The following ZNF28 variants were observed in gnomAD, a reference collection of about 807,000 sequenced individuals.
ZNF28 encodes zinc finger protein KOX24.
In ZNF28, 5 loss-of-function variants were observed where a neutral mutation model predicts 7.2. The observed-to-expected ratio is 0.70, with a 90% confidence interval of 0.36 to 1.46. The LOEUF is 1.46. Among genes scored for constraint, ZNF28 ranks in the 40% most tolerant of loss-of-function variants. The pLI, the probability that ZNF28 is intolerant of heterozygous loss-of-function variation, is 0.03. For missense variants in ZNF28, 879 were observed against 866.6 expected (o/e 1.01, Z -0.18); for synonymous variants, 288 against 292.4 (o/e 0.99, Z 0.15).
intron 2 of ZNF28, among the ~76,000 whole-genome samples, chr19:52,812,578 A>G (rs1032412089): frequency 7.8e-6 from 1 of 127,438 alleles, no homozygotes; most frequent in Admixed American, 7.9e-5. Context: ...CATGCTCCTT[A>G]AGAGTCATCA....
chr19:52,799,360 T>G lies in ZNF28; in HGVS notation c.*328A>C. The G allele has an allele frequency of 1.8e-6, 1 of 558,440 alleles. No homozygotes were observed. The allele number at this position is 558,440 out of a possible 1,614,324, so 34.6% of individuals were successfully genotyped here. A position where few individuals can be genotyped will look rare whatever the true frequency, so the allele number is the denominator to read the frequency against. ...TCATAAACCTTACATCTGTGTGGTT[T>G]CTCTTCAGCATGCATTTTCTTATGT... On this transcript the variant is annotated 3_prime_UTR_variant, in exon 4 of 4. Coordinates refer to ENST00000457749, the MANE Select transcript of ZNF28 (RefSeq NM_006969.5).
At chr19:52,805,190 A>C (rs2062920868) in intron 3 of ZNF28, 2 of 152,032 alleles carry the variant, frequency 1.3e-5, no homozygotes, top group African/African-American at 4.8e-5. Flanking sequence ...GAATTGCTTG[A>C]ACCTGGGAAG....
intron 1 of ZNF28, among the ~76,000 whole-genome samples, chr19:52,821,332 T>C (rs1025769499): frequency 2.0e-5 from 3 of 151,996 alleles, no homozygotes; most frequent in Non-Finnish European, 2.9e-5. Context: ...AAAAAAGGTT[T>C]TGAGCAGGAA....
rs2062845685 is a variant in ZNF28 at position 52,800,227 on chromosome 19, A to G, written c.1618T>C (p.Cys540Arg). Residue 540 changes from cysteine to arginine, a missense_variant, in exon 4 of 4, where the codon TGT (cysteine) becomes CGT (arginine). Coordinates refer to ENST00000457749, the MANE Select transcript of ZNF28 (RefSeq NM_006969.5). ...TCTGCAGTATGAAGTTTATGATGAC[A>G]TGCAAGGTTTGCTTTTGTACTAAAA... is the stretch of plus-strand genomic sequence containing the variant. ...KVFSTKANLA[C>R]HHKLHTAEKP... 1 of 1,611,456 alleles carries G rather than the reference A, an allele frequency of 6.2e-7. No individual in the cohort carries two copies. The highest frequency in any genetic ancestry group is 8.5e-7 in the Non-Finnish European group (1 of 1,179,452).
At chr19:52,804,342 C>T (rs551759859) in intron 3 of ZNF28, among the ~76,000 whole-genome samples, 1 of 152,254 alleles carries the variant, frequency 6.6e-6, no homozygotes, top group East Asian at 1.9e-4. Flanking sequence ...ATCACCCAGG[C>T]TGGAGTGTAG....
rs796765932 is a variant in ZNF28 at position 52,813,536 on chromosome 19, G to A, written c.15+4408C>T. ...GCTCTGGAAGGACACCAGACTGTTC[G>A]GCTTGTCACCTTCCCTCCGTCTTCT... On this transcript the variant is annotated intron_variant, in intron 2 of 3. Transcript: ENST00000457749. 2.2e-4 allele frequency among the ~76,000 whole-genome samples: 32 copies of A among 142,224 alleles called. 5 individuals are homozygous for A. The highest frequency in any genetic ancestry group is 8.2e-4 in the African/African-American group (29 of 35,564). 93.3% of individuals were successfully genotyped at this position (142,224 alleles called of 152,430 possible).
chr19:52,819,964 G>C (rs2063173948), intron 1 of ZNF28, among the ~76,000 whole-genome samples: 1 of 145,144 alleles, frequency 6.9e-6, no homozygotes, highest in Non-Finnish European at 1.5e-5. Flanking sequence ...GTTCACACCT[G>C]TAATTCCAGC....
At chr19:52,807,181 A>G (rs12460103) in intron 3 of ZNF28, among the ~76,000 whole-genome samples, 13,393 of 152,230 alleles carry the variant, frequency 0.088, 1,050 homozygotes, top group South Asian at 0.2. Flanking sequence ...CCTTGCTCCA[A>G]CATGGAGACA....
At chr19:52,812,762 TAAAAAAAAAA>T (rs56944474) in intron 2 of ZNF28, among the ~76,000 whole-genome samples, 1,248 of 75,444 alleles carry the variant, frequency 0.017, 34 homozygotes, top group African/African-American at 0.051. Flanking sequence ...GAATGATCAA[TAAAAAAAAAA>T]AAAAAAAAAA....
intron 1 of ZNF28, among the ~76,000 whole-genome samples, chr19:52,818,555 A>C (rs7247680): frequency 1.3e-5 from 2 of 152,146 alleles, no homozygotes; most frequent in East Asian, 3.9e-4. Context: ...TCTACTAAAA[A>C]TACAAAAAGT....
Position 52,800,390 on chromosome 19 carries a change from A to G in ZNF28, c.1455T>C (p.His485=), listed in dbSNP as rs937463015. ...GTTTCTCTCCAGTATGAATCCTCCTATGTCTTTCAAGGTGTGATTTGCACC... is the reference window on the plus strand; with the variant it reads ...GTTTCTCTCCAGTATGAATCCTCCTGTGTCTTTCAAGGTGTGATTTGCACC... ...VFRCKSHLER[H]RRIHTGEKPY... Residue 485 remains histidine (H), a synonymous_variant, in exon 4 of 4, where the codon CAT becomes CAC. Coordinates refer to ENST00000457749, the MANE Select transcript of ZNF28 (RefSeq NM_006969.5). 2.2e-5 allele frequency: 36 copies of G among 1,613,714 alleles called. No homozygotes were observed. Among genetic ancestry groups the G allele is most frequent in the Admixed American group, 3.3e-5 (2 of 59,968 alleles).
chr19:52,820,682 A>T (rs1295351711), intron 1 of ZNF28, among the ~76,000 whole-genome samples: 1 of 152,016 alleles, frequency 6.6e-6, no homozygotes, highest in Non-Finnish European at 1.5e-5. Context: ...ATGAGCCTCC[A>T]CATTTCTGCC....
chr19:52,807,955 A>T, intron 3 of ZNF28, 52 bp downstream of exon 3: 1 of 1,609,990 alleles, frequency 6.2e-7, no homozygotes, highest in Non-Finnish European at 8.5e-7. Context: ...AAGAGGCAAC[A>T]AGAGAAAATA....
At position 52,799,187 on chromosome 19, in the gene ZNF28, G is replaced by C. The variant is rs1600417246; in HGVS notation, c.*501C>G. On this transcript the variant is annotated 3_prime_UTR_variant, in exon 4 of 4. Coordinates refer to ENST00000457749, the MANE Select transcript of ZNF28 (RefSeq NM_006969.5). ...CTATGCCACATTCATTACACTTGTA[G>C]GGTTTCTCTCCAATACGAATTGCCT... is the stretch of plus-strand genomic sequence containing the variant. 1.3e-5 allele frequency: 5 copies of C among 391,410 alleles called. No individual in the cohort carries two copies. The East Asian group carries it at 3.1e-4, about 24-fold the overall frequency. The allele number at this position is 391,410 out of a possible 1,614,324, so 24.2% of individuals were successfully genotyped here.
At chr19:52,809,823 G>GGCAGCA in intron 2 of ZNF28, 4 of 423,288 alleles carry the variant, frequency 9.4e-6, no homozygotes, top group Non-Finnish European at 1.6e-5. Flanking sequence ...GAGCGGCGAA[G>GGCAGCA]GCGGCGGCGG....
chr19:52,820,539 C>CGT (rs1335148009), intron 1 of ZNF28, among the ~76,000 whole-genome samples: 3 of 152,160 alleles, frequency 2.0e-5, no homozygotes, highest in African/African-American at 4.8e-5. Context: ...GTTATAACCC[C>CGT]CTGGACCCAG....
chr19:52,808,232 A>T, intron 2 of ZNF28, 99 bp from the exon 3 acceptor site: 4 of 1,549,364 alleles, frequency 2.6e-6, no homozygotes, highest in Non-Finnish European at 3.5e-6. Context: ...AGTTGTAGTG[A>T]ATGTTCTCAC....
Position 52,798,926 on chromosome 19 carries a change from T to C in ZNF28, c.*762A>G, listed in dbSNP as rs73936419. The C allele has an allele frequency of 2.0e-3, 2,818 of 1,434,182 alleles. 44 individuals are homozygous for C. In the African/African-American group the frequency reaches 0.036, roughly 19 times the overall value. 88.8% of individuals were successfully genotyped at this position (1,434,182 alleles called of 1,614,324 possible). A position where few individuals can be genotyped will look rare whatever the true frequency, so the allele number is the denominator to read the frequency against. On this transcript the variant is annotated 3_prime_UTR_variant, in exon 4 of 4. Coordinates refer to ENST00000457749, the MANE Select transcript of ZNF28 (RefSeq NM_006969.5). ...CCCACTAAAGGCTTTGCCACACTCA[T>C]TGCACTTGTAAGGTTTCTCTCCAGT...
rs564577800 is a variant in ZNF28 at position 52,818,042 on chromosome 19, A to G, written c.-73-11T>C. ...CTTTAGAAGTCAATCCTGAATGTTAAAAATATGTTGTTTATTGCTCAGAAT... is the reference window on the plus strand; with the variant it reads ...CTTTAGAAGTCAATCCTGAATGTTAGAAATATGTTGTTTATTGCTCAGAAT... On this transcript the variant is annotated splice_polypyrimidine_tract_variant and intron_variant, in intron 1 of 3. Coordinates refer to ENST00000457749, the MANE Select transcript of ZNF28 (RefSeq NM_006969.5). The G allele has an allele frequency of 1.0e-4, 160 of 1,595,630 alleles. No individual in the cohort carries two copies. In the African/African-American group the frequency reaches 1.8e-3, roughly 18 times the overall value.
Sources: gnomAD v4.1 joint callset for allele counts (sites outside exome capture counted in the v4.1 genomes callset) on GRCh38, gnomAD v4.1.1 for gene constraint, MANE v1.5 for transcripts, NCBI Gene and HGNC (gene_info 2026-07-23, HGNC 2026-07-21) for gene names.